Variants in FOXP4 observed in about 807,000 individuals in gnomAD.
The protein encoded by FOXP4 is forkhead box protein P4.
In FOXP4, 25 loss-of-function variants were observed where a neutral mutation model predicts 82.6. The observed-to-expected ratio is 0.30, with a 90% CI of 0.22 to 0.42. FOXP4 has a LOEUF of 0.42. FOXP4 is among the 10% of genes least tolerant of loss of function. The pLI, the probability that FOXP4 is intolerant of heterozygous loss-of-function variation, is 1.00. For missense variants in FOXP4, 785 were observed against 900.9 expected (o/e 0.87, Z 1.65); for synonymous variants, 415 against 388.2 (o/e 1.07, Z -0.81).
intron 2 of FOXP4, among the ~76,000 whole-genome samples, chr6:41,571,592 A>G (rs1765201908): frequency 6.6e-6 from 1 of 152,164 alleles, no homozygotes; most frequent in African/African-American, 2.4e-5. Flanking sequence ...GCTGGTTTTC[A>G]TTTTAATGGT....
At chr6:41,598,757 C>G (rs1032564428) in intron 16 of FOXP4, 32 bp from the exon 17 acceptor site, 1 of 1,549,600 alleles carries the variant, frequency 6.5e-7, no homozygotes, top group East Asian at 2.4e-5. Flanking sequence ...AGAGGACAGC[C>G]GCCTGGTGCC....
In FOXP4 at chr6:41,599,108, G is replaced by A; in HGVS notation, c.*172G>A. ...GACCTGACAAAAACACGTAGGGGCA[G>A]GGACGGTCCCCACCCCCAGGGACAC... is the stretch of plus-strand genomic sequence containing the variant. On this transcript the variant is annotated 3_prime_UTR_variant, in exon 17 of 17. Coordinates refer to ENST00000307972, the MANE Select transcript of FOXP4 (RefSeq NM_001012426.2). The A allele has an allele frequency of 1.1e-6, 1 of 875,188 alleles. No homozygotes were observed. The highest frequency in any genetic ancestry group is 1.7e-6 in the Non-Finnish European group (1 of 586,036). 54.2% of individuals were successfully genotyped at this position (875,188 alleles called of 1,614,324 possible). A position where few individuals can be genotyped will look rare whatever the true frequency, so the allele number is the denominator to read the frequency against.
Position 41,589,842 on chromosome 6 carries a change from C to T in FOXP4, c.1137C>T (p.Pro379=). 1.2e-6 allele frequency: 2 copies of T among 1,610,952 alleles called. No individual in the cohort carries two copies. The highest frequency in any genetic ancestry group is 2.2e-5 in the East Asian group (1 of 44,864). Residue 379 remains proline (P), a synonymous_variant, in exon 10 of 17, where the codon CCC becomes CCT. Transcript: ENST00000307972. ...HLHMRPSEPK[P]FSQPLNPVPG... ...ACATGCGGCCCTCGGAGCCCAAGCC[C>T]TTCAGCCAGCCAGTGAGTGCTGCTC... is the stretch of plus-strand genomic sequence containing the variant.
chr6:41,584,918 C>T (rs766757684), intron 4 of FOXP4, 27 bp downstream of exon 4: 11 of 1,589,048 alleles, frequency 6.9e-6, no homozygotes, highest in African/African-American at 2.7e-5. Flanking sequence ...GGCAGCTGGT[C>T]CCTCCTCCTC....
chr6:41,594,956 G>C lies in FOXP4; in HGVS notation c.1623G>C (p.Arg541=). 1 of 1,614,186 alleles carries C rather than the reference G, an allele frequency of 6.2e-7. No individual in the cohort carries two copies. The change falls in exon 14 of 17, where the codon CGG becomes CGC. Residue 541 remains arginine (R), a synonymous_variant. Transcript: ENST00000307972. ...GTGCCGTGTGGACTGTGGACGAGCG[G>C]GAGTATCAGAAGCGGAGACCGCCAA... is the stretch of plus-strand genomic sequence containing the variant. ...VKGAVWTVDE[R]EYQKRRPPKM...
chr6:41,557,594 A>G (rs1444120004), intron 1 of FOXP4, among the ~76,000 whole-genome samples: 1 of 152,234 alleles, frequency 6.6e-6, no homozygotes, highest in Non-Finnish European at 1.5e-5. Context: ...ATTTGACAGC[A>G]TGTGGAAATG....
In FOXP4 at chr6:41,599,032, G is replaced by A; in HGVS notation, c.*96G>A. 1 of 1,441,650 alleles carries A rather than the reference G, an allele frequency of 6.9e-7. No homozygotes were observed. Among genetic ancestry groups the A allele is most frequent in the Non-Finnish European group, 9.2e-7 (1 of 1,092,058 alleles). 89.3% of individuals were successfully genotyped at this position (1,441,650 alleles called of 1,614,324 possible). On this transcript the variant is annotated 3_prime_UTR_variant, in exon 17 of 17. Coordinates refer to ENST00000307972, the MANE Select transcript of FOXP4 (RefSeq NM_001012426.2). ...CTCCACAGCCCCTCCCGAGCCTCAA[G>A]GCAAGTCCAGGACTCAGACCGGGGA...
At chr6:41,574,287 G>A (rs917310247) in intron 2 of FOXP4, among the ~76,000 whole-genome samples, 2 of 152,206 alleles carry the variant, frequency 1.3e-5, no homozygotes, top group Non-Finnish European at 2.9e-5. Flanking sequence ...CCCCTCAGTG[G>A]AGTAAGCCCT....
chr6:41,577,914 C>T, intron 2 of FOXP4, 72 bp from the exon 3 acceptor site: 1 of 1,132,828 alleles, frequency 8.8e-7, no homozygotes, highest in Non-Finnish European at 1.3e-6. Context: ...TCCTTACTGC[C>T]CCAAACACTC....
Position 41,597,910 on chromosome 6 carries a change from G to GGCA in FOXP4, c.1864_1866dup (p.Ser622dup). On this transcript the variant is annotated inframe_insertion, in exon 16 of 17. Coordinates refer to ENST00000307972, the MANE Select transcript of FOXP4 (RefSeq NM_001012426.2). Reference sequence around the variant, plus strand: ...CCCCGTGGAGCCGCTGCCCAGCAACGGCAGCAGCAGCCCTCCTCGCCTCTC... The same window carrying GGCA: ...CCCCGTGGAGCCGCTGCCCAGCAACGGCAGCAGCAGCAGCCCTCCTCGCCTCTC... 1.3e-6 allele frequency: 2 copies of GGCA among 1,581,092 alleles called. No individual in the cohort carries two copies. Among genetic ancestry groups the GGCA allele is most frequent in the Non-Finnish European group, 1.7e-6 (2 of 1,170,064 alleles).
chr6:41,595,402 C>T (rs1179067823), intron 14 of FOXP4, among the ~76,000 whole-genome samples: 6 of 151,878 alleles, frequency 4.0e-5, no homozygotes, highest in Non-Finnish European at 8.8e-5. Context: ...TGAGGTCCCG[C>T]GACCCCACCA....
intron 3 of FOXP4, among the ~76,000 whole-genome samples, chr6:41,583,839 C>T (rs2127386052): frequency 6.6e-6 from 1 of 152,314 alleles, no homozygotes; most frequent in East Asian, 1.9e-4. Flanking sequence ...AATCTTTTCC[C>T]TGTAGCTGGA....
intron 2 of FOXP4, among the ~76,000 whole-genome samples, chr6:41,573,247 C>G (rs894872024): frequency 1.3e-5 from 2 of 152,154 alleles, no homozygotes; most frequent in Non-Finnish European, 1.5e-5. Flanking sequence ...CTCCCACCCC[C>G]CACTCCACCA....
rs1371724498 is a variant in FOXP4, at chr6:41,558,859, G to A, written c.-16-6886G>A. On this transcript the variant is annotated intron_variant, in intron 1 of 16. Transcript: ENST00000307972. The surrounding 1 kb of genome is among the most constrained non-coding windows in gnomAD (Gnocchi z 4.0). Reference sequence around the variant, plus strand: ...CTCTGTTTTATATCTCTTGACACAAGTAAGATATAGCAGGATAGCTAGAAA... The same window carrying A: ...CTCTGTTTTATATCTCTTGACACAAATAAGATATAGCAGGATAGCTAGAAA... 6.6e-6 allele frequency among the ~76,000 whole-genome samples: 1 copy of A among 152,170 alleles called. No individual in the cohort carries two copies. The highest frequency in any genetic ancestry group is 2.4e-5 in the African/African-American group (1 of 41,424).
rs1763640433 is a variant in FOXP4, at chr6:41,546,714, G to C, written c.-170G>C. The C allele has an allele frequency of 6.8e-6, 1 of 146,706 alleles. No individual in the cohort carries two copies. The highest frequency in any genetic ancestry group is 6.8e-5 in the Admixed American group (1 of 14,762). 9.1% of individuals were successfully genotyped at this position (146,706 alleles called of 1,614,324 possible). On this transcript the variant is annotated 5_prime_UTR_variant, in exon 1 of 17. Coordinates refer to ENST00000307972, the MANE Select transcript of FOXP4 (RefSeq NM_001012426.2). ...TGAGGCGCGCGGCGGTCGGCCCGGC[G>C]CGCTGGGAGGACGCCCGGGAGCTGC... is the stretch of plus-strand genomic sequence containing the variant.
chr6:41,566,943 T>C (rs139042771), intron 2 of FOXP4, among the ~76,000 whole-genome samples: 95 of 152,340 alleles, frequency 6.2e-4, no homozygotes, highest in Non-Finnish European at 1.1e-3. Flanking sequence ...ATGGCCCTGC[T>C]GTCTCTCCCA....
intron 2 of FOXP4, among the ~76,000 whole-genome samples, chr6:41,572,305 G>GAGCCAGCC (rs1282066251): frequency 6.6e-6 from 1 of 152,094 alleles, no homozygotes; most frequent in Non-Finnish European, 1.5e-5. Context: ...ACACACCCTA[G>GAGCCAGCC]AGCCAGCCAG....
chr6:41,561,204 G>T (rs1480319031), intron 1 of FOXP4, among the ~76,000 whole-genome samples: 1 of 152,214 alleles, frequency 6.6e-6, no homozygotes, highest in Non-Finnish European at 1.5e-5. Context: ...GCTCCGAGGT[G>T]CCCTGGCTCC....
At chr6:41,550,938 A>G (rs58953006) in intron 1 of FOXP4, among the ~76,000 whole-genome samples, 14,259 of 152,270 alleles carry the variant, frequency 0.094, 698 homozygotes, top group Non-Finnish European at 0.1. Flanking sequence ...CAAGTCTCAG[A>G]CCAGTTTGGG....
Sources: gnomAD v4.1 joint callset for allele counts (sites outside exome capture counted in the v4.1 genomes callset) on GRCh38, gnomAD v4.1.1 for gene constraint, Gnocchi (gnomAD v3.1) non-coding constraint, MANE v1.5 for transcripts, NCBI Gene and HGNC (gene_info 2026-07-23, HGNC 2026-07-21) for gene names.